The following RPP30 variants were observed in gnomAD, a reference collection of about 807,000 sequenced individuals.
RPP30 encodes the protein ribonuclease P/MRP subunit p30.
A neutral mutation model predicts 38.6 loss-of-function variants in RPP30; 36 were observed. That is an observed-to-expected ratio of 0.93 (90% CI 0.71 to 1.23). RPP30 has a LOEUF of 1.23. Ranked by LOEUF, RPP30 falls within the 50% of genes most tolerant of loss-of-function variation. RPP30 has a pLI of 0.00. For missense variants in RPP30, 321 were observed against 321.7 expected (o/e 1.00, Z 0.02); for synonymous variants, 126 against 112.7 (o/e 1.12, Z -0.75).
At chr10:90,906,987 A>G (rs1237202465), downstream of RPP30, among the ~76,000 whole-genome samples, 1 of 152,264 alleles carries the variant, frequency 6.6e-6, no homozygotes, top group Non-Finnish European at 1.5e-5. Context: ...CCATTAGCAG[A>G]AATAACTAAG....
chr10:90,873,049 C>T (rs1308021446), intron 1 of RPP30, among the ~76,000 whole-genome samples: 1 of 152,132 alleles, frequency 6.6e-6, no homozygotes, highest in Non-Finnish European at 1.5e-5. Context: ...CAATTATTAC[C>T]TCCTCAATGA....
chr10:90,884,949 A>G (rs1161016937), intron 5 of RPP30, among the ~76,000 whole-genome samples: 2 of 152,142 alleles, frequency 1.3e-5, no homozygotes, highest in Non-Finnish European at 2.9e-5. Flanking sequence ...TATTTTTATC[A>G]CTATAAATCA....
At chr10:90,891,692 A>G (rs1278153969) in intron 6 of RPP30, among the ~76,000 whole-genome samples, 1 of 152,230 alleles carries the variant, frequency 6.6e-6, no homozygotes, top group Non-Finnish European at 1.5e-5. Flanking sequence ...TCATGTCAGG[A>G]CAACAATGCA....
chr10:90,878,907 G>A (rs1269683751), intron 4 of RPP30, among the ~76,000 whole-genome samples, 156 bp from the exon 5 acceptor site: 4 of 151,532 alleles, frequency 2.6e-5, no homozygotes, highest in Non-Finnish European at 4.4e-5. Flanking sequence ...ATTCTCATGT[G>A]CTTATGTCTT....
intron 6 of RPP30, among the ~76,000 whole-genome samples, chr10:90,890,570 T>C (rs574174142): frequency 6.6e-6 from 1 of 152,282 alleles, no homozygotes; most frequent in East Asian, 1.9e-4. Context: ...AATACTTGAT[T>C]TGGATGTGAG....
chr10:90,895,071 ATAATG>A, intron 7 of RPP30, 180 bp downstream of exon 7: 1 of 672,372 alleles, frequency 1.5e-6, no homozygotes, highest in Non-Finnish European at 2.7e-6. Context: ...CAAGGGAAGA[ATAATG>A]TAAGGGAGAA....
intron 1 of RPP30, 27 bp downstream of exon 1, chr10:90,872,095 C>A (rs765489874): frequency 1.3e-6 from 2 of 1,591,896 alleles, no homozygotes; most frequent in South Asian, 2.2e-5. Context: ...TCGCGCCTGG[C>A]CAACCTCATG....
intron 10 of RPP30, among the ~76,000 whole-genome samples, chr10:90,898,602 C>G (rs1847169677): frequency 6.6e-6 from 1 of 152,118 alleles, no homozygotes; most frequent in Non-Finnish European, 1.5e-5. Flanking sequence ...TGGAAAATGT[C>G]TACTCAGTCC....
intron 10 of RPP30, among the ~76,000 whole-genome samples, chr10:90,898,649 C>T (rs969940289): frequency 3.9e-5 from 6 of 152,240 alleles, no homozygotes; most frequent in Non-Finnish European, 7.3e-5. Flanking sequence ...AGAGGAATCA[C>T]GAGGGTGGTG....
chr10:90,883,142 T>G (rs1356491736), intron 5 of RPP30, among the ~76,000 whole-genome samples: 1 of 152,200 alleles, frequency 6.6e-6, no homozygotes, highest in Non-Finnish European at 1.5e-5. Context: ...TCACAATTTA[T>G]CAAACTGATA....
At position 90,895,128 on chromosome 10, in the gene RPP30, A is replaced by G. The variant is rs149074528; in HGVS notation, c.549+237A>G. Reference sequence around the variant, plus strand: ...CCATATCTTTTGATAAAAATTTGCAATTTACATACTGTGAAAGAAAAGTCT... The same window carrying G: ...CCATATCTTTTGATAAAAATTTGCAGTTTACATACTGTGAAAGAAAAGTCT... On this transcript the variant is annotated intron_variant, in intron 7 of 10. Transcript: ENST00000371703. The G allele has an allele frequency of 4.1e-3, 2,377 of 574,698 alleles. 13 individuals are homozygous for G. The highest frequency in any genetic ancestry group is 0.013 in the Middle Eastern group (28 of 2,120). The allele number at this position is 574,698 out of a possible 1,614,324, so 35.6% of individuals were successfully genotyped here.
downstream of RPP30, among the ~76,000 whole-genome samples, chr10:90,905,049 C>T (rs976921447): frequency 5.9e-5 from 9 of 152,020 alleles, no homozygotes; most frequent in Admixed American, 3.9e-4. Flanking sequence ...ATAGACCTGC[C>T]GAGCATGGTC....
intron 5 of RPP30, among the ~76,000 whole-genome samples, chr10:90,883,021 C>T (rs1044380676): frequency 1.3e-5 from 2 of 152,046 alleles, no homozygotes; most frequent in Non-Finnish European, 2.9e-5. Context: ...GAGGTAGGGC[C>T]TGGTTGTCTC....
chr10:90,898,112 TCTAC>T (rs1847164193), intron 10 of RPP30, among the ~76,000 whole-genome samples: 1 of 151,746 alleles, frequency 6.6e-6, no homozygotes, highest in Admixed American at 6.6e-5. Flanking sequence ...TAACCATCCT[TCTAC>T]TTTCTGTCTC....
chr10:90,880,054 G>T (rs550583673), intron 5 of RPP30: 83 of 151,860 alleles, frequency 5.5e-4, no homozygotes, highest in African/African-American at 1.9e-3. Flanking sequence ...GACTAGTCAA[G>T]TGTCCTATTA....
intron 10 of RPP30, among the ~76,000 whole-genome samples, chr10:90,898,906 G>A (rs1037086124): frequency 2.6e-5 from 4 of 152,164 alleles, no homozygotes; most frequent in African/African-American, 9.7e-5. Flanking sequence ...TGAACCTGTT[G>A]GGGACACCTG....
Position 90,900,629 on chromosome 10 carries a change from G to A in RPP30, c.757G>A (p.Gly253Arg), listed in dbSNP as rs759130030. The A allele has an allele frequency of 6.2e-7, 1 of 1,613,740 alleles. No individual in the cohort carries two copies. Among genetic ancestry groups the A allele is most frequent in the Non-Finnish European group, 8.5e-7 (1 of 1,179,814 alleles). ...AGTGAAGAAACCTCGGCCATCAGAA[G>A]GAGATGAAGATTGTCTTCCAGCTTC... ...STVKKPRPSE[G>R]DEDCLPASKK... The change falls in exon 11 of 11, where the codon GGA becomes AGA. Residue 253 changes from glycine (G) to arginine (R), a missense_variant. Transcript: ENST00000371703.
intron 8 of RPP30, 38 bp downstream of exon 8, chr10:90,895,521 G>A (rs749443588): frequency 2.4e-5 from 30 of 1,255,664 alleles, no homozygotes; most frequent in Non-Finnish European, 3.1e-5. Context: ...TCATCTTTCA[G>A]GTTATAAAAC....
chr10:90,903,295 A>G (rs1847222984), downstream of RPP30: 1 of 1,534,686 alleles, frequency 6.5e-7, no homozygotes, highest in South Asian at 1.2e-5. Context: ...CCAAGTATAC[A>G]TTTATCTATT....
Sources: gnomAD v4.1 joint callset for allele counts (sites outside exome capture counted in the v4.1 genomes callset) on GRCh38, gnomAD v4.1.1 for gene constraint, MANE v1.5 for transcripts, NCBI Gene and HGNC (gene_info 2026-07-23, HGNC 2026-07-21) for gene names.